The following IGSF5 variants were observed in gnomAD, a reference collection of about 807,000 sequenced individuals.
The protein encoded by IGSF5 is immunoglobulin superfamily member 5, also known as immunoglobulin superfamily 5 like.
IGSF5 carries 41 observed loss-of-function variants against 39.4 expected under a neutral mutation model. The observed-to-expected ratio is 1.04, with a 90% CI of 0.81 to 1.35. The LOEUF is 1.35. IGSF5 is among the 40% of genes most tolerant of loss of function. The pLI, the probability that IGSF5 is intolerant of heterozygous loss-of-function variation, is 0.00. For missense variants in IGSF5, 487 were observed against 494.6 expected, an observed-to-expected ratio of 0.98 and a Z score of 0.15; for synonymous variants, 183 against 175.3, an observed-to-expected ratio of 1.04 and a Z score of -0.34.
chr21:39,743,153 A>C (rs1046680565), upstream of IGSF5, among the ~76,000 whole-genome samples: 5 of 151,904 alleles, frequency 3.3e-5, no homozygotes, highest in African/African-American at 1.2e-4. Flanking sequence ...ACCAATCTCC[A>C]TGTTCTGATT....
chr21:39,728,620 G>C, the IGSF5 span, among the ~76,000 whole-genome samples: 1 of 152,184 alleles, frequency 6.6e-6, no homozygotes, highest in Middle Eastern at 3.4e-3. Flanking sequence ...TCGTGCTCCC[G>C]GGGTGACCTC....
chr21:39,776,099 A>G (rs1486693284), intron 4 of IGSF5, among the ~76,000 whole-genome samples: 1 of 152,168 alleles, frequency 6.6e-6, no homozygotes, highest in Non-Finnish European at 1.5e-5. Context: ...TGTCAATAAT[A>G]TATGGCTATG....
intron 8 of IGSF5, among the ~76,000 whole-genome samples, chr21:39,797,640 C>A (rs1261480052): frequency 6.6e-6 from 1 of 152,166 alleles, no homozygotes; most frequent in African/African-American, 2.4e-5. Flanking sequence ...CCTCAGCCTT[C>A]CGGAGAGCTA....
chr21:39,797,042 C>T (rs1239223984), intron 8 of IGSF5, among the ~76,000 whole-genome samples: 1 of 152,194 alleles, frequency 6.6e-6, no homozygotes, highest in East Asian at 1.9e-4. Context: ...TCGGCAATTT[C>T]AGGAGGACTT....
At chr21:39,778,878 T>C (rs1164134114) in intron 4 of IGSF5, among the ~76,000 whole-genome samples, 1 of 152,152 alleles carries the variant, frequency 6.6e-6, no homozygotes, top group Non-Finnish European at 1.5e-5. Flanking sequence ...TACTAAGAAG[T>C]TGTTTACTGG....
chr21:39,744,394 G>A (rs879557287), upstream of IGSF5, among the ~76,000 whole-genome samples: 2 of 152,234 alleles, frequency 1.3e-5, no homozygotes, highest in African/African-American at 2.4e-5. Context: ...ATAGTCTTTT[G>A]ATTCTGTAAG....
chr21:39,781,447 G>A (rs2080170039), intron 5 of IGSF5, among the ~76,000 whole-genome samples: 1 of 152,152 alleles, frequency 6.6e-6, no homozygotes, highest in African/African-American at 2.4e-5. Flanking sequence ...GAATAATGTT[G>A]TGTATGTTCA....
chr21:39,775,507 A>G (rs993435448), intron 4 of IGSF5, among the ~76,000 whole-genome samples: 3 of 152,190 alleles, frequency 2.0e-5, no homozygotes, highest in African/African-American at 7.2e-5. Flanking sequence ...AAGAAATTCT[A>G]TACCTTTTTA....
chr21:39,740,505 A>C (rs546324928), upstream of IGSF5, among the ~76,000 whole-genome samples: 67 of 152,272 alleles, frequency 4.4e-4, no homozygotes, highest in African/African-American at 1.5e-3. Context: ...CCTTCTCCTA[A>C]TTCTAGTGCC....
At chr21:39,732,211 C>A in the IGSF5 span, among the ~76,000 whole-genome samples, 4 of 152,144 alleles carry the variant, frequency 2.6e-5, no homozygotes, top group Non-Finnish European at 5.9e-5. Flanking sequence ...CTGAGCCCTG[C>A]CCAGATTGCA....
chr21:39,717,935 T>C, the IGSF5 span, among the ~76,000 whole-genome samples: 3 of 152,236 alleles, frequency 2.0e-5, no homozygotes, highest in African/African-American at 7.2e-5. Context: ...TTGGGTGGTA[T>C]AGCCATTTTA....
At chr21:39,739,065 T>C in the IGSF5 span, among the ~76,000 whole-genome samples, 6 of 151,982 alleles carry the variant, frequency 3.9e-5, no homozygotes, top group African/African-American at 1.5e-4. Context: ...ATTTTTGTAT[T>C]TTTTGTGGAG....
At chr21:39,780,631 A>G (rs927798772) in intron 5 of IGSF5, among the ~76,000 whole-genome samples, 2 of 152,230 alleles carry the variant, frequency 1.3e-5, no homozygotes, top group Non-Finnish European at 1.5e-5. Flanking sequence ...TATCAATACA[A>G]TTAATAAAAA....
At chr21:39,774,478 G>A (rs1200977211) in intron 4 of IGSF5, among the ~76,000 whole-genome samples, 2 of 152,208 alleles carry the variant, frequency 1.3e-5, no homozygotes, top group African/African-American at 2.4e-5. Context: ...GTTGTATGAA[G>A]TACTTCCTGG....
At chr21:39,786,966 GGGGAA>G (rs1333260649) in intron 5 of IGSF5, among the ~76,000 whole-genome samples, 1 of 152,152 alleles carries the variant, frequency 6.6e-6, no homozygotes, top group East Asian at 1.9e-4. Flanking sequence ...TGTGGGGTAG[GGGGAA>G]GGGGGAGGGA....
intron 2 of IGSF5, among the ~76,000 whole-genome samples, chr21:39,750,500 A>C (rs1299034146): frequency 2.0e-5 from 2 of 98,002 alleles, no homozygotes; most frequent in South Asian, 4.7e-4. Context: ...AGAGCAAGAC[A>C]CTGTCTCCAG....
chr21:39,775,092 G>T (rs1455106728), intron 4 of IGSF5, among the ~76,000 whole-genome samples: 2 of 152,042 alleles, frequency 1.3e-5, no homozygotes, highest in Non-Finnish European at 2.9e-5. Context: ...TGTAAAAAAA[G>T]TTCCCAAGTT....
chr21:39,790,671 C>A (rs1456573681), intron 6 of IGSF5, among the ~76,000 whole-genome samples: 2 of 152,156 alleles, frequency 1.3e-5, no homozygotes, highest in East Asian at 3.9e-4. Context: ...GAAACAACAA[C>A]AACAACGTCA....
At chr21:39,782,622 A>T (rs1050301771) in intron 5 of IGSF5, among the ~76,000 whole-genome samples, 1 of 152,238 alleles carries the variant, frequency 6.6e-6, no homozygotes, top group African/African-American at 2.4e-5. Flanking sequence ...CTTTTTAAAA[A>T]TGGCATACAG....
Sources: allele counts gnomAD v4.1 joint callset (sites outside exome capture counted in the v4.1 genomes callset), GRCh38; gene constraint gnomAD v4.1.1; transcripts MANE v1.5; gene names NCBI Gene and HGNC (gene_info 2026-07-23, HGNC 2026-07-21).